The following GRIN2A variants were observed in gnomAD, a reference collection of about 807,000 sequenced individuals.
GRIN2A encodes the protein glutamate ionotropic receptor NMDA type subunit 2A, also known as glutamate receptor ionotropic, NMDA 2A.
GRIN2A carries 22 observed loss-of-function variants against 113.4 expected under a neutral mutation model. That is an observed-to-expected ratio of 0.19 (90% CI 0.14 to 0.28). The LOEUF (loss-of-function observed/expected upper bound fraction) is 0.28, where lower values mean the gene tolerates loss of function less well. Ranked by LOEUF, GRIN2A falls within the 10% of genes least tolerant of loss-of-function variation. The pLI is 1.00. For missense variants in GRIN2A, 1,502 were observed against 1,887.0 expected (o/e 0.80, Z 3.78); for synonymous variants, 827 against 738.4 (o/e 1.12, Z -1.94).
intron 11 of GRIN2A, among the ~76,000 whole-genome samples, chr16:9,782,806 G>C (rs2141186271): frequency 6.6e-6 from 1 of 152,228 alleles, no homozygotes; most frequent in East Asian, 1.9e-4. Flanking sequence ...GGCTCTCCAG[G>C]ATATTTATGG....
At chr16:9,898,890 TA>T (rs2043861134) in intron 3 of GRIN2A, among the ~76,000 whole-genome samples, 6 of 151,904 alleles carry the variant, frequency 3.9e-5, no homozygotes, top group African/African-American at 2.4e-5. Context: ...CATCTTCCAT[TA>T]ACTATTCCCT....
intron 2 of GRIN2A, among the ~76,000 whole-genome samples, chr16:9,971,255 C>T (rs865946114): frequency 2.0e-5 from 3 of 152,212 alleles, no homozygotes; most frequent in African/African-American, 7.2e-5. Context: ...CAGAAGCTTC[C>T]ACTTCTTCCC....
intron 2 of GRIN2A, among the ~76,000 whole-genome samples, chr16:10,170,821 G>C (rs1307859259): frequency 6.7e-6 from 1 of 150,086 alleles, no homozygotes; most frequent in Non-Finnish European, 1.5e-5. Context: ...AGGCTGCAGT[G>C]AACTATGATC....
chr16:9,893,221 A>T (rs2043732584), intron 3 of GRIN2A, among the ~76,000 whole-genome samples: 1 of 152,244 alleles, frequency 6.6e-6, no homozygotes, highest in Non-Finnish European at 1.5e-5. Context: ...CTTACTATTT[A>T]ATGTTAAAGA....
chr16:10,041,824 G>A (rs1177710555), intron 2 of GRIN2A, among the ~76,000 whole-genome samples: 1 of 152,170 alleles, frequency 6.6e-6, no homozygotes, highest in African/African-American at 2.4e-5. Context: ...CACCTTCTCA[G>A]TGAAGTCTTT....
At position 9,762,901 on chromosome 16, in the gene GRIN2A, G is replaced by A. The variant is rs941759413; in HGVS notation, c.*248C>T. ...TGTCCCGGAGACTTGCCCTTATGTAGTTAGTTATTTTTGGTTAAGGACTCA... is the reference window on the plus strand; with the variant it reads ...TGTCCCGGAGACTTGCCCTTATGTAATTAGTTATTTTTGGTTAAGGACTCA... On this transcript the variant is annotated 3_prime_UTR_variant, in exon 13 of 13. Transcript: ENST00000330684. The A allele has an allele frequency of 1.7e-6, 1 of 574,010 alleles. No homozygotes were observed. The allele number at this position is 574,010 out of a possible 1,614,324, so 35.6% of individuals were successfully genotyped here. A position where few individuals can be genotyped will look rare whatever the true frequency, so the allele number is the denominator to read the frequency against.
chr16:10,078,381 G>C (rs369726160), intron 2 of GRIN2A, among the ~76,000 whole-genome samples: 1 of 151,984 alleles, frequency 6.6e-6, no homozygotes, highest in Admixed American at 6.5e-5. Context: ...GACAAAGTGA[G>C]ACTCAGGAGC....
chr16:9,969,755 C>T (rs753885004), intron 2 of GRIN2A, among the ~76,000 whole-genome samples: 4 of 152,194 alleles, frequency 2.6e-5, no homozygotes, highest in African/African-American at 9.7e-5. Flanking sequence ...ATGACTGGCA[C>T]CCAGTGGGTA....
intron 2 of GRIN2A, among the ~76,000 whole-genome samples, chr16:10,052,757 A>C (rs1057228726): frequency 3.9e-5 from 6 of 152,306 alleles, no homozygotes; most frequent in African/African-American, 1.4e-4. Context: ...CTTAGAATAC[A>C]GAGAGTGAGG....
intron 11 of GRIN2A, among the ~76,000 whole-genome samples, chr16:9,776,358 G>T (rs1901604526): frequency 6.6e-6 from 1 of 150,468 alleles, no homozygotes. Context: ...TCAGGGCAGG[G>T]ATCTTGTTTT....
intron 2 of GRIN2A, among the ~76,000 whole-genome samples, chr16:10,031,810 T>A (rs1007518670): frequency 6.6e-6 from 1 of 152,232 alleles, no homozygotes; most frequent in African/African-American, 2.4e-5. Context: ...ACGGTTCTGC[T>A]CTGACCTCCT....
At chr16:9,927,353 G>T (rs1415557670) in intron 3 of GRIN2A, among the ~76,000 whole-genome samples, 2 of 152,162 alleles carry the variant, frequency 1.3e-5, no homozygotes, top group Non-Finnish European at 2.9e-5. Flanking sequence ...ACCATTATTG[G>T]CCCAAGATGG....
chr16:10,060,793 C>A (rs571990641), intron 2 of GRIN2A, among the ~76,000 whole-genome samples: 1 of 152,160 alleles, frequency 6.6e-6, no homozygotes, highest in African/African-American at 2.4e-5. Flanking sequence ...ATGAAAGCTG[C>A]GTTTCCTCTT....
chr16:9,910,922 C>T (rs1339291886), intron 3 of GRIN2A, among the ~76,000 whole-genome samples: 1 of 151,894 alleles, frequency 6.6e-6, no homozygotes, highest in African/African-American at 2.4e-5. Flanking sequence ...TTTCTGCTTG[C>T]CTGCTTCCAT....
chr16:9,852,828 A>T (rs1004811016), intron 4 of GRIN2A, among the ~76,000 whole-genome samples: 1 of 152,214 alleles, frequency 6.6e-6, no homozygotes, highest in Non-Finnish European at 1.5e-5. Flanking sequence ...CAGTGTTTGT[A>T]GACAGGTTTA....
At chr16:10,145,390 A>C (rs1483327655) in intron 2 of GRIN2A, among the ~76,000 whole-genome samples, 2 of 152,214 alleles carry the variant, frequency 1.3e-5, no homozygotes, top group Admixed American at 6.5e-5. Context: ...AGTGAAAGAT[A>C]TATCTATTAC....
chr16:10,042,569 A>G (rs1037974300), intron 2 of GRIN2A, among the ~76,000 whole-genome samples: 2 of 152,178 alleles, frequency 1.3e-5, no homozygotes, highest in African/African-American at 2.4e-5. Flanking sequence ...TTGCTCCCGA[A>G]TATGATCCAC....
chr16:10,124,057 G>A (rs1302336364), intron 2 of GRIN2A, among the ~76,000 whole-genome samples: 1 of 152,108 alleles, frequency 6.6e-6, no homozygotes, highest in Admixed American at 6.6e-5. Context: ...AGTCTCCAGA[G>A]ACAGATGAAG....
At chr16:9,871,975 A>C (rs1002247164) in intron 4 of GRIN2A, among the ~76,000 whole-genome samples, 1 of 152,196 alleles carries the variant, frequency 6.6e-6, no homozygotes, top group African/African-American at 2.4e-5. Context: ...AGGTTAGCGG[A>C]AATTAACTTG....
Sources: allele counts gnomAD v4.1 joint callset (sites outside exome capture counted in the v4.1 genomes callset), GRCh38; gene constraint gnomAD v4.1.1; transcripts MANE v1.5; gene names NCBI Gene and HGNC (gene_info 2026-07-23, HGNC 2026-07-21).